Variants in HP observed in about 807,000 individuals in gnomAD.
HP encodes the protein haptoglobin.
Under a neutral mutation model 23.2 loss-of-function variants are expected in HP, and 9 were observed. The ratio of observed to expected loss-of-function variants is 0.39; its 90% CI spans 0.23 to 0.68. The LOEUF is 0.68. Ranked by LOEUF, HP falls within the 30% of genes least tolerant of loss-of-function variation. The pLI is 0.47. For synonymous variants in HP, 155 were observed against 183.3 expected (o/e 0.85, Z 1.25); for missense variants, 433 against 483.6 (o/e 0.90, Z 0.98).
intron 1 of HP, chr16:72,055,069 G>A (rs2041438242): frequency 1.1e-5 from 3 of 270,656 alleles, no homozygotes; most frequent in Non-Finnish European, 7.0e-6. Context: ...CTAATACCTG[G>A]GATACATCTA....
chr16:72,056,306 C>A, intron 2 of HP, 63 bp downstream of exon 2: 1 of 1,575,082 alleles, frequency 6.3e-7, no homozygotes, highest in Non-Finnish European at 8.7e-7. Flanking sequence ...TGCACTCTCT[C>A]TGAGAACACC....
intron 5 of HP, chr16:72,058,709 T>C: frequency 2.8e-6 from 1 of 352,240 alleles, no homozygotes; most frequent in Non-Finnish European, 5.0e-6. Context: ...CTAAGGGCTT[T>C]ATACTTATTT....
In HP at chr16:72,060,430, AGAAGG is replaced by A. The variant is rs776335490; in HGVS notation, c.762_766del (p.Gln254HisfsTer4). 7.4e-6 allele frequency: 12 copies of A among 1,614,188 alleles called. No individual in the cohort carries two copies. The highest frequency in any genetic ancestry group is 1.3e-5 in the African/African-American group (1 of 75,064). ...GATATTGGGCTCATCAAACTCAAAC[AGAAGG>A]TGTCTGTTAATGAGAGAGTGATGCC... On this transcript the variant is annotated frameshift_variant, in exon 7 of 7. Transcript: ENST00000355906. LOFTEE classifies it high-confidence loss of function.
intron 1 of HP, 120 bp downstream of exon 1, chr16:72,054,777 G>A (rs2041432869): frequency 1.8e-5 from 27 of 1,525,452 alleles, no homozygotes; most frequent in South Asian, 3.5e-5. Flanking sequence ...AAATTATAGT[G>A]AACCAAAGGG....
In HP at chr16:72,058,340, C is replaced by T. The variant is rs1181365765; in HGVS notation, c.352C>T (p.Arg118Cys). ...RYQCKNYYKL[R>C]TEGDGVYTLN... ...CCAGTGTAAGAACTACTACAAACTG[C>T]GCACAGAAGGAGATGGTAAGATGTG... The change falls in exon 5 of 7, where the codon CGC (arginine) becomes TGC (cysteine). Residue 118 changes from arginine to cysteine, a missense_variant. Physicochemically the swap from Arg to Cys is radical, Grantham distance 180. Around this residue, in one of 3 missense-constraint regions of HP, gnomAD observed 326 missense variants for 358.1 expected, o/e 0.91. Coordinates refer to ENST00000355906, the MANE Select transcript of HP (RefSeq NM_005143.5). 1.2e-5 allele frequency: 8 copies of T among 692,756 alleles called. 1 individual carries two copies. The highest frequency in any genetic ancestry group is 8.6e-5 in the African/African-American group (2 of 23,294). The allele number at this position is 692,756 out of a possible 1,614,324, so 42.9% of individuals were successfully genotyped here.
chr16:72,055,699 A>T, intron 1 of HP: 1 of 201,016 alleles, frequency 5.0e-6, no homozygotes, highest in South Asian at 9.5e-5. Context: ...AAATATCAAG[A>T]AGTAGAGGAA....
At chr16:72,056,114 G>T in intron 1 of HP, 47 bp from the exon 2 acceptor site, 1 of 1,579,226 alleles carries the variant, frequency 6.3e-7, no homozygotes, top group Middle Eastern at 1.7e-4. Context: ...CATGTGCTGT[G>T]AAGCAGGGAG....
At chr16:72,055,801 G>T in intron 1 of HP, 1 of 345,416 alleles carries the variant, frequency 2.9e-6, no homozygotes, top group Non-Finnish European at 5.7e-6. Context: ...CTCTTTCCTG[G>T]AGGGCTCCTG....
At chr16:72,054,908 T>C (rs1322422388) in intron 1 of HP, 2 of 730,006 alleles carry the variant, frequency 2.7e-6, no homozygotes, top group East Asian at 2.8e-5. Flanking sequence ...TTTGACTTTA[T>C]AGGGTATGTC....
chr16:72,056,183 C>G lies in HP; in HGVS notation c.28C>G (p.Leu10Val). MSALGAVIALLLWGQLFAVD... is the reference protein window; with the variant it reads MSALGAVIAVLLWGQLFAVD... ...CAGTGCCCTGGGAGCTGTCATTGCCCTCCTGCTCTGGGGACAGCTTTTTGC... is the reference window on the plus strand; with the variant it reads ...CAGTGCCCTGGGAGCTGTCATTGCCGTCCTGCTCTGGGGACAGCTTTTTGC... Residue 10 changes from leucine (L) to valine (V), a missense_variant, in exon 2 of 7, where the codon CTC (leucine) becomes GTC (valine). Leu to Val is a conservative substitution (Grantham distance 32). Transcript: ENST00000355906. The G allele has an allele frequency of 6.2e-7, 1 of 1,613,962 alleles. No homozygotes were observed.
chr16:72,060,737 C>T lies in HP; in HGVS notation c.1068C>T (p.Gly356=), dbSNP rs774808400. The T allele has an allele frequency of 6.2e-7, 1 of 1,614,052 alleles. No individual in the cohort carries two copies. The highest frequency in any genetic ancestry group is 8.5e-7 in the Non-Finnish European group (1 of 1,180,042). ...AAGACACCTGCTATGGCGATGCGGG[C>T]AGTGCCTTTGCCGTTCACGACCTGG... The part of the protein sequence containing the change: ...YQEDTCYGDA[G]SAFAVHDLEE... Residue 356 remains glycine, a synonymous_variant, in exon 7 of 7, where the codon GGC becomes GGT. Coordinates refer to ENST00000355906, the MANE Select transcript of HP (RefSeq NM_005143.5).
rs780747814 is a variant in HP, at chr16:72,060,619, C to A, written c.950C>A (p.Thr317Lys). ...DQCIRHYEGS[T>K]VPEKKTPKSP... ...TGCATAAGGCATTATGAAGGCAGCACAGTCCCCGAAAAGAAGACACCGAAG... is the reference window on the plus strand; with the variant it reads ...TGCATAAGGCATTATGAAGGCAGCAAAGTCCCCGAAAAGAAGACACCGAAG... The change falls in exon 7 of 7, where the codon ACA becomes AAA. Residue 317 changes from threonine (T) to lysine (K), a missense_variant. Physicochemically the swap from Thr to Lys is moderately conservative, Grantham distance 78. This residue lies in a region of HP where 326 missense variants were observed against 358.1 expected (regional missense o/e 0.91). Transcript: ENST00000355906. The A allele has an allele frequency of 3.1e-6, 5 of 1,614,074 alleles. No individual in the cohort carries two copies. The East Asian group carries it at 1.1e-4, about 36-fold the overall frequency.
At chr16:72,055,841 A>G (rs2070937) in intron 1 of HP, 213,410 of 384,938 alleles carry the variant, frequency 0.55, 60,709 homozygotes, top group South Asian at 0.65. Flanking sequence ...TCCTGAATGC[A>G]GCCAGAAACT....
Position 72,060,238 on chromosome 16 carries a change from C to T in HP, c.569C>T (p.Thr190Met), listed in dbSNP as rs751706076. The change falls in exon 7 of 7, where the codon ACG becomes ATG. Residue 190 changes from threonine (T) to methionine (M), a missense_variant. Coordinates refer to ENST00000355906, the MANE Select transcript of HP (RefSeq NM_005143.5). ...CACCATAATCTCACCACAGGTGCCACGCTGATCAATGAACAATGGCTGCTG... is the reference window on the plus strand; with the variant it reads ...CACCATAATCTCACCACAGGTGCCATGCTGATCAATGAACAATGGCTGCTG... The part of the protein sequence containing the change: ...VSHHNLTTGA[T>M]LINEQWLLTT... The T allele has an allele frequency of 2.5e-6, 4 of 1,614,156 alleles. No homozygotes were observed. The highest frequency in any genetic ancestry group is 1.3e-5 in the African/African-American group (1 of 75,056).
At chr16:72,056,438 A>G in intron 2 of HP, 92 bp from the exon 3 acceptor site, 1 of 1,558,462 alleles carries the variant, frequency 6.4e-7, no homozygotes, top group African/African-American at 1.4e-5. Flanking sequence ...AAGGAGATTG[A>G]TGTGCAGAGC....
rs1241868978 is a variant in HP, at chr16:72,060,702, A to C, written c.1033A>C (p.Lys345Gln). The change falls in exon 7 of 7, where the codon AAG becomes CAG. Residue 345 changes from lysine (K) to glutamine (Q), a missense_variant. Lys to Gln is a moderately conservative substitution (Grantham distance 53). This residue lies in a region of HP where 326 missense variants were observed against 358.1 expected (regional missense o/e 0.91). Coordinates refer to ENST00000355906, the MANE Select transcript of HP (RefSeq NM_005143.5). ...ACACACCTTCTGTGCTGGCATGTCT[A>C]AGTACCAAGAAGACACCTGCTATGG... ...NEHTFCAGMS[K>Q]YQEDTCYGDA... 1.2e-6 allele frequency: 2 copies of C among 1,614,016 alleles called. No homozygotes were observed. The highest frequency in any genetic ancestry group is 1.7e-6 in the Non-Finnish European group (2 of 1,180,032).
chr16:72,060,285 C>T lies in HP; in HGVS notation c.616C>T (p.Leu206=), dbSNP rs1209721818. The change falls in exon 7 of 7, where the codon CTG becomes TTG. Residue 206 remains leucine (L), a synonymous_variant. Coordinates refer to ENST00000355906, the MANE Select transcript of HP (RefSeq NM_005143.5). ...WLLTTAKNLF[L]NHSENATAKD... is the part of the protein sequence containing the mutation. ...GCTGACCACGGCTAAAAATCTCTTC[C>T]TGAACCATTCAGAAAATGCAACAGC... 3.7e-6 allele frequency: 6 copies of T among 1,614,134 alleles called. No individual in the cohort carries two copies. Among genetic ancestry groups the T allele is most frequent in the Non-Finnish European group, 5.1e-6 (6 of 1,180,020 alleles).
At chr16:72,057,044 A>C (rs2041472395) in intron 3 of HP, 1 of 343,578 alleles carries the variant, frequency 2.9e-6, no homozygotes, top group Admixed American at 5.1e-5. Context: ...TATTGTTTTC[A>C]CTTTGCTGAT....
rs1483963623 is a variant in HP, at chr16:72,056,567, C to T, written c.126C>T (p.Gly42=). ...CGAAGCCCCCCGAGATTGCACATGGCTATGTGGAGCACTCGGTTCGCTACC... is the reference window on the plus strand; with the variant it reads ...CGAAGCCCCCCGAGATTGCACATGGTTATGTGGAGCACTCGGTTCGCTACC... ...GCPKPPEIAH[G]YVEHSVRYQC... The change falls in exon 3 of 7, where the codon GGC becomes GGT. Residue 42 remains glycine, a synonymous_variant. Coordinates refer to ENST00000355906, the MANE Select transcript of HP (RefSeq NM_005143.5). The T allele has an allele frequency of 2.1e-6, 3 of 1,459,552 alleles. No homozygotes were observed. The highest frequency in any genetic ancestry group is 2.8e-6 in the Non-Finnish European group (3 of 1,075,660). 90.4% of individuals were successfully genotyped at this position (1,459,552 alleles called of 1,614,324 possible). A position where few individuals can be genotyped will look rare whatever the true frequency, so the allele number is the denominator to read the frequency against.
Sources: allele counts gnomAD v4.1 joint callset, GRCh38; gene constraint gnomAD v4.1.1; regional missense constraint gnomAD v4.1.1; transcripts MANE v1.5; gene names NCBI Gene and HGNC (gene_info 2026-07-23, HGNC 2026-07-21).